Variants in PHKG1 observed in about 807,000 individuals in gnomAD.
The protein encoded by PHKG1 is phosphorylase kinase catalytic subunit gamma 1, also known as phosphorylase b kinase gamma catalytic chain, skeletal muscle/heart isoform.
A neutral mutation model predicts 50.5 loss-of-function variants in PHKG1; 48 were observed. The observed-to-expected ratio is 0.95, with a 90% CI of 0.75 to 1.21. PHKG1 has a LOEUF of 1.21. Ranked by LOEUF, PHKG1 falls within the 50% of genes most tolerant of loss-of-function variation. The pLI, the probability that PHKG1 is intolerant of heterozygous loss-of-function variation, is 0.00. For missense variants in PHKG1, 487 were observed against 519.5 expected (o/e 0.94, Z 0.61); for synonymous variants, 204 against 212.8 (o/e 0.96, Z 0.36).
At position 56,081,504 on chromosome 7, in the gene PHKG1, A is replaced by G. The variant is rs529779761; in HGVS notation, c.918+126T>C. The G allele has an allele frequency of 2.2e-5, 29 of 1,290,006 alleles. No homozygotes were observed. The African/African-American group carries it at 2.9e-4, about 13-fold the overall frequency. 79.9% of individuals were successfully genotyped at this position (1,290,006 alleles called of 1,614,324 possible). Reference sequence around the variant, plus strand: ...CACCTGCCGTCTTTGAAGCCATCACAGGGCAGCTGGGAGGGGAGGGATGGG... The same window carrying G: ...CACCTGCCGTCTTTGAAGCCATCACGGGGCAGCTGGGAGGGGAGGGATGGG... On this transcript the variant is annotated intron_variant, in intron 9 of 9. Transcript: ENST00000297373. This position sits in a 1 kb window ranked among gnomAD's most constrained non-coding sequence, Gnocchi z 4.6.
At chr7:56,091,516 C>CAA (rs35935362) in intron 1 of PHKG1, among the ~76,000 whole-genome samples, 235 of 144,066 alleles carry the variant, frequency 1.6e-3, no homozygotes, top group Middle Eastern at 3.6e-3. Flanking sequence ...GACTCCATCT[C>CAA]AAAAAAAAAA....
chr7:56,087,853 G>C, intron 2 of PHKG1, 77 bp from the exon 3 acceptor site: 5 of 1,172,194 alleles, frequency 4.3e-6, no homozygotes, highest in Non-Finnish European at 6.2e-6. Flanking sequence ...CTGCAGCAGA[G>C]ATGTCCTGCC....
rs554854696 is a variant in PHKG1, at chr7:56,080,864, G to A, written c.*190C>T. On this transcript the variant is annotated 3_prime_UTR_variant, in exon 10 of 10. Transcript: ENST00000297373. ...CCTGCCCCAGCCTGCAGGTATTGCT[G>A]TGTGGTGGGAACACCCACTTCCCTT... 98 of 664,300 alleles carry A rather than the reference G, an allele frequency of 1.5e-4. No individual in the cohort carries two copies. The African/African-American group carries it at 1.7e-3, about 11-fold the overall frequency. The allele number at this position is 664,300 out of a possible 1,614,324, so 41.2% of individuals were successfully genotyped here. A position where few individuals can be genotyped will look rare whatever the true frequency, so the allele number is the denominator to read the frequency against.
intron 1 of PHKG1, 49 bp from the exon 2 acceptor site, chr7:56,089,024 G>C (rs1297150067): frequency 1.2e-6 from 1 of 858,586 alleles, no homozygotes; most frequent in Non-Finnish European, 1.9e-6. Flanking sequence ...CCCAGGGGCT[G>C]TTCTCCTTGG....
intron 2 of PHKG1, 33 bp from the exon 3 acceptor site, chr7:56,087,809 G>A (rs781300861): frequency 8.2e-6 from 13 of 1,582,950 alleles, no homozygotes; most frequent in Non-Finnish European, 1.0e-5. Flanking sequence ...GCCTCGGGGG[G>A]CCCCTCACCC....
intron 4 of PHKG1, 52 bp downstream of exon 4, chr7:56,086,918 C>G (rs373973831): frequency 5.8e-5 from 82 of 1,409,684 alleles, no homozygotes; most frequent in African/African-American, 8.5e-5. Context: ...GGGGAGGGGA[C>G]AGCAGTCGGA....
chr7:56,085,522 A>ATGGTGG (rs1470441820), intron 4 of PHKG1, among the ~76,000 whole-genome samples: 2 of 152,208 alleles, frequency 1.3e-5, no homozygotes, highest in African/African-American at 4.8e-5. Flanking sequence ...GATGGTGATG[A>ATGGTGG]TGGTGGTGAT....
Position 56,089,206 on chromosome 7 carries a change from C to T in PHKG1, c.-34-231G>A, listed in dbSNP as rs1453519048. Reference sequence around the variant, plus strand: ...ATCACTTGAGGCCAGGATTTCGAGACCAGCCTGGCCAACATGGTGAAACCT... The same window carrying T: ...ATCACTTGAGGCCAGGATTTCGAGATCAGCCTGGCCAACATGGTGAAACCT... On this transcript the variant is annotated intron_variant, in intron 1 of 9. Transcript: ENST00000297373. Among the ~76,000 whole-genome samples, 5 of 152,032 alleles carry T rather than the reference C, an allele frequency of 3.3e-5. No homozygotes were observed. In the South Asian group the frequency reaches 8.3e-4, roughly 25 times the overall value.
chr7:56,081,806 G>A lies in PHKG1; in HGVS notation c.793-51C>T, dbSNP rs760188203. 1.2e-6 allele frequency: 2 copies of A among 1,608,818 alleles called. No homozygotes were observed. Among genetic ancestry groups the A allele is most frequent in the East Asian group, 2.2e-5 (1 of 44,636 alleles). On this transcript the variant is annotated intron_variant, in intron 8 of 9. Coordinates refer to ENST00000297373, the MANE Select transcript of PHKG1 (RefSeq NM_006213.5). This position sits in a 1 kb window ranked among gnomAD's most constrained non-coding sequence, Gnocchi z 4.6. ...AGAATGTCAAGGCAGGTCCCCTCCA[G>A]CATGTCAGGAAAGGCAGGGCCTCCC...
chr7:56,080,895 C>T lies in PHKG1; in HGVS notation c.*159G>A, dbSNP rs1446635823. ...TGGGAACACCCACTTCCCTTGTGCA[C>T]AGCCTTTGAGAGGGGATCGTGGCCT... On this transcript the variant is annotated 3_prime_UTR_variant, in exon 10 of 10. Transcript: ENST00000297373. 1.5e-5 allele frequency: 12 copies of T among 821,036 alleles called. No homozygotes were observed. The highest frequency in any genetic ancestry group is 2.2e-5 in the Non-Finnish European group (12 of 535,040). 50.9% of individuals were successfully genotyped at this position (821,036 alleles called of 1,614,324 possible).
At chr7:56,090,487 C>T (rs567272275) in intron 1 of PHKG1, among the ~76,000 whole-genome samples, 5 of 152,294 alleles carry the variant, frequency 3.3e-5, no homozygotes, top group African/African-American at 1.2e-4. Context: ...CATCTCCATT[C>T]TGCAGACACT....
chr7:56,086,429 T>A (rs1177386900), intron 4 of PHKG1, among the ~76,000 whole-genome samples: 1 of 152,148 alleles, frequency 6.6e-6, no homozygotes, highest in Non-Finnish European at 1.5e-5. Flanking sequence ...TCCCAGCACT[T>A]TGGGAGGCCG....
Position 56,080,694 on chromosome 7 carries a change from C to A in PHKG1, c.*360G>T, listed in dbSNP as rs886422311. The A allele has an allele frequency of 3.0e-5, 9 of 298,230 alleles. No individual in the cohort carries two copies. Among genetic ancestry groups the A allele is most frequent in the African/African-American group, 1.7e-4 (8 of 46,462 alleles). 18.5% of individuals were successfully genotyped at this position (298,230 alleles called of 1,614,324 possible). ...CAGACATTTGTGTCTTTGATCCTCA[C>A]CCTGTGACCCTAAGGGAAGAAAGCC... On this transcript the variant is annotated 3_prime_UTR_variant, in exon 10 of 10. Coordinates refer to ENST00000297373, the MANE Select transcript of PHKG1 (RefSeq NM_006213.5).
In PHKG1 at chr7:56,083,284, G is replaced by T. The variant is rs781108246; in HGVS notation, c.541C>A (p.Leu181Met). Reference sequence around the variant, plus strand: ...CAAGGCCATGTTACCAGACCTCGCAGCCTCTCTCCCGGCTCCAGCTGGCAG... The same window carrying T: ...CAAGGCCATGTTACCAGACCTCGCATCCTCTCTCCCGGCTCCAGCTGGCAG... ...FSCQLEPGER[L>M]REVCGTPSYL... The change falls in exon 6 of 10, where the codon CTG becomes ATG. Residue 181 changes from leucine to methionine, a missense_variant. Leu to Met is a conservative substitution (Grantham distance 15). Transcript: ENST00000297373. The T allele has an allele frequency of 6.2e-7, 1 of 1,613,894 alleles. No homozygotes were observed. Among genetic ancestry groups the T allele is most frequent in the Non-Finnish European group, 8.5e-7 (1 of 1,179,888 alleles).
At chr7:56,086,696 T>C (rs983494371) in intron 4 of PHKG1, among the ~76,000 whole-genome samples, 2 of 152,246 alleles carry the variant, frequency 1.3e-5, no homozygotes, top group Middle Eastern at 6.8e-3. Context: ...TAATTATTAG[T>C]ATTCACACTA....
At chr7:56,084,812 C>A (rs575447467) in intron 4 of PHKG1, among the ~76,000 whole-genome samples, 11 of 152,122 alleles carry the variant, frequency 7.2e-5, no homozygotes, top group Admixed American at 5.2e-4. Context: ...AAGGACTCTG[C>A]TAGAACAATC....
intron 4 of PHKG1, among the ~76,000 whole-genome samples, chr7:56,085,974 CAA>C (rs34275240): frequency 1.1e-3 from 140 of 133,186 alleles, no homozygotes; most frequent in East Asian, 1.3e-3. Context: ...AACTCTGTCT[CAA>C]AAAAAAAAAA....
chr7:56,089,528 C>T (rs1796409050), intron 1 of PHKG1, among the ~76,000 whole-genome samples: 1 of 152,040 alleles, frequency 6.6e-6, no homozygotes, highest in South Asian at 2.1e-4. Flanking sequence ...CACACCCTAG[C>T]CTCCTGAGTA....
chr7:56,081,415 GC>G lies in PHKG1; in HGVS notation c.919-117del. The G allele has an allele frequency of 7.3e-7, 1 of 1,378,722 alleles. No individual in the cohort carries two copies. Among genetic ancestry groups the G allele is most frequent in the Non-Finnish European group, 9.7e-7 (1 of 1,028,248 alleles). 85.4% of individuals were successfully genotyped at this position (1,378,722 alleles called of 1,614,324 possible). ...CGAAGCCTTGGGTGGCTTCTGCGGG[GC>G]CTTCCTAGTGTCCCCCACTTCCCAC... On this transcript the variant is annotated intron_variant, in intron 9 of 9. Coordinates refer to ENST00000297373, the MANE Select transcript of PHKG1 (RefSeq NM_006213.5). The surrounding 1 kb of genome is among the most constrained non-coding windows in gnomAD (Gnocchi z 4.6).
Sources: allele counts gnomAD v4.1 joint callset (sites outside exome capture counted in the v4.1 genomes callset), GRCh38; gene constraint gnomAD v4.1.1; non-coding constraint Gnocchi (gnomAD v3.1); transcripts MANE v1.5; gene names NCBI Gene and HGNC (gene_info 2026-07-23, HGNC 2026-07-21).